Variants in FBXO9 observed in about 807,000 individuals in gnomAD.
FBXO9 encodes the protein F-box only protein 9.
FBXO9 carries 43 observed loss-of-function variants against 63.7 expected under a neutral mutation model. The observed-to-expected ratio is 0.67, with a 90% CI of 0.53 to 0.87. FBXO9 has a LOEUF of 0.87. FBXO9 is among the 40% of genes least tolerant of loss of function. FBXO9 has a pLI of 0.00. For synonymous variants in FBXO9, 156 were observed against 171.7 expected (o/e 0.91, Z 0.72); for missense variants, 442 against 533.2 (o/e 0.83, Z 1.68).
chr6:53,082,873 C>G (rs904938987), intron 7 of FBXO9, among the ~76,000 whole-genome samples: 11 of 152,126 alleles, frequency 7.2e-5, no homozygotes, highest in Non-Finnish European at 8.8e-5. Flanking sequence ...AGTTTACATG[C>G]TAGCTTAACT....
chr6:53,093,405 A>C, intron 9 of FBXO9, 61 bp from the exon 10 acceptor site: 8 of 1,142,462 alleles, frequency 7.0e-6, no homozygotes, highest in Non-Finnish European at 1.0e-5. Flanking sequence ...CTAATAGATA[A>C]GGACATATTT....
intron 7 of FBXO9, among the ~76,000 whole-genome samples, chr6:53,088,723 C>T (rs924399404): frequency 7.3e-5 from 11 of 151,358 alleles, no homozygotes; most frequent in African/African-American, 2.4e-4. Context: ...CTCAGTCTCC[C>T]GAGTAGCCGA....
intron 7 of FBXO9, among the ~76,000 whole-genome samples, chr6:53,087,433 T>TG (rs1762925330): frequency 1.3e-5 from 2 of 150,494 alleles, no homozygotes. Context: ...TAAGAGGAGT[T>TG]GACAAAAAGG....
intron 3 of FBXO9, among the ~76,000 whole-genome samples, chr6:53,074,922 G>A (rs1490171818): frequency 1.3e-5 from 2 of 152,182 alleles, no homozygotes; most frequent in African/African-American, 2.4e-5. Flanking sequence ...AAATATGTGT[G>A]TAGGTTTTCT....
At chr6:53,073,772 T>G in intron 3 of FBXO9, 133 bp downstream of exon 3, 1 of 734,794 alleles carries the variant, frequency 1.4e-6, no homozygotes, top group East Asian at 2.7e-5. Context: ...ATAAAAATTT[T>G]GACTAGTATA....
chr6:53,087,362 AAGAG>A (rs1233210984), intron 7 of FBXO9, among the ~76,000 whole-genome samples: 2 of 151,504 alleles, frequency 1.3e-5, no homozygotes, highest in African/African-American at 4.8e-5. Context: ...AAAAAAAAAA[AAGAG>A]ATAAACATTT....
At chr6:53,096,867 C>G (rs1763227281) in intron 12 of FBXO9, among the ~76,000 whole-genome samples, 1 of 152,182 alleles carries the variant, frequency 6.6e-6, no homozygotes, top group Admixed American at 6.5e-5. Context: ...GATCACACCA[C>G]TGCACTCCAG....
chr6:53,089,842 T>C (rs1762996913), intron 7 of FBXO9, among the ~76,000 whole-genome samples: 1 of 152,164 alleles, frequency 6.6e-6, no homozygotes, highest in African/African-American at 2.4e-5. Context: ...AGTAGAGTGC[T>C]CAGAGCACTC....
intron 1 of FBXO9, 146 bp downstream of exon 1, chr6:53,065,938 GAGA>G: frequency 1.7e-6 from 2 of 1,164,600 alleles, no homozygotes; most frequent in Non-Finnish European, 2.2e-6. Context: ...GCCCTGGCCT[GAGA>G]AGGAGTGCGT....
At position 53,093,581 on chromosome 6, in the gene FBXO9, T is replaced by C. The variant is rs749495552; in HGVS notation, c.959+20T>C. ...TACCAGGTAGCATTTGTTTTTTAAA[T>C]GGCTTTCCATCCAGTCTATGTTTTA... On this transcript the variant is annotated intron_variant, in intron 10 of 12. Transcript: ENST00000323557. The C allele has an allele frequency of 4.5e-6, 7 of 1,558,742 alleles. No homozygotes were observed. The East Asian group carries it at 9.0e-5, about 20-fold the overall frequency.
At chr6:53,078,694 G>C in intron 4 of FBXO9, 105 bp from the exon 5 acceptor site, 1 of 762,948 alleles carries the variant, frequency 1.3e-6, no homozygotes, top group East Asian at 2.7e-5. Context: ...ACAGAATTTG[G>C]CCGTTTGTAA....
intron 12 of FBXO9, among the ~76,000 whole-genome samples, 190 bp downstream of exon 12, chr6:53,095,854 G>A (rs1213408540): frequency 2.0e-5 from 3 of 152,172 alleles, no homozygotes; most frequent in Non-Finnish European, 1.5e-5. Context: ...GCTTGAGGAA[G>A]CAGAGCATCT....
chr6:53,091,222 C>T (rs1763031238), intron 7 of FBXO9: 1 of 152,178 alleles, frequency 6.6e-6, no homozygotes, highest in African/African-American at 2.4e-5. Context: ...TGAATAGTCT[C>T]TGCACTCCAG....
intron 7 of FBXO9, among the ~76,000 whole-genome samples, chr6:53,086,078 G>T (rs2127495855): frequency 6.6e-6 from 1 of 152,358 alleles, no homozygotes; most frequent in East Asian, 1.9e-4. Flanking sequence ...GAACCCGGTA[G>T]GCGGAGGTTG....
At chr6:53,071,216 A>G (rs766936072) in intron 2 of FBXO9, 73 bp downstream of exon 2, 101 of 1,407,186 alleles carry the variant, frequency 7.2e-5, no homozygotes, top group Admixed American at 1.8e-4. Flanking sequence ...GATCATAATC[A>G]TGGGTATTTG....
At chr6:53,068,658 T>G (rs1166060603) in intron 1 of FBXO9, among the ~76,000 whole-genome samples, 7 of 148,252 alleles carry the variant, frequency 4.7e-5, no homozygotes, top group African/African-American at 1.5e-4. Flanking sequence ...ATATGTGTTT[T>G]TTTTTTTTTT....
At chr6:53,070,017 C>CTTTTTTTTTTTT (rs1032693222) in intron 1 of FBXO9, among the ~76,000 whole-genome samples, 13 of 109,374 alleles carry the variant, frequency 1.2e-4, no homozygotes, top group Non-Finnish European at 1.7e-4. Context: ...TTCTTTTTTC[C>CTTTTTTTTTTTT]TTTTTTTTTT....
At chr6:53,090,815 G>A (rs1237660190) in intron 7 of FBXO9, 2 of 151,850 alleles carry the variant, frequency 1.3e-5, no homozygotes, top group Admixed American at 6.6e-5. Context: ...TGAGTAACTG[G>A]AACTACAGGC....
chr6:53,073,608 A>G lies in FBXO9; in HGVS notation c.218A>G (p.Lys73Arg), dbSNP rs1302467435. Residue 73 changes from lysine to arginine, a missense_variant, in exon 3 of 13, where the codon AAA becomes AGA. Transcript: ENST00000323557. Reference sequence around the variant, plus strand: ...CTCCAGAAAACATCGGCAGATACCAAAGGAAAACAAGAACAGGCAAAAGAA... The same window carrying G: ...CTCCAGAAAACATCGGCAGATACCAGAGGAAAACAAGAACAGGCAAAAGAA... Reference protein sequence around the residue: ...GSLQKTSADTKGKQEQAKEEK... With the variant: ...GSLQKTSADTRGKQEQAKEEK... 1.2e-6 allele frequency: 2 copies of G among 1,604,056 alleles called. No individual in the cohort carries two copies. Among genetic ancestry groups the G allele is most frequent in the Admixed American group, 1.7e-5 (1 of 58,440 alleles).
Sources: gnomAD v4.1 joint callset for allele counts (sites outside exome capture counted in the v4.1 genomes callset) on GRCh38, gnomAD v4.1.1 for gene constraint, MANE v1.5 for transcripts, NCBI Gene and HGNC (gene_info 2026-07-23, HGNC 2026-07-21) for gene names.